PAK3: variants seen among roughly 807,000 people sequenced by gnomAD.
PAK3 encodes p21 (RAC1) activated kinase 3, also known as serine/threonine-protein kinase PAK 3.
PAK3 carries 4 observed loss-of-function variants against 41.0 expected under a neutral mutation model. The ratio of observed to expected loss-of-function variants is 0.10; its 90% confidence interval spans 0.05 to 0.22. The LOEUF (loss-of-function observed/expected upper bound fraction) is 0.22. Among genes scored for constraint, PAK3 ranks in the 10% least tolerant of loss-of-function variants. PAK3 has a pLI of 1.00. For synonymous variants in PAK3, 146 were observed against 139.6 expected, an observed-to-expected ratio of 1.05 and a Z score of -0.32; for missense variants, 205 against 409.9, an observed-to-expected ratio of 0.50 and a Z score of 4.32.
At chrX:111,156,752 C>T (rs374894676) in intron 8 of PAK3, among the ~76,000 whole-genome samples, 16 of 111,727 alleles carry the variant, frequency 1.4e-4, no homozygotes, top group African/African-American at 5.2e-4. Context: ...ATATTGAACT[C>T]AGGGATAGAT....
intron 1 of PAK3, among the ~76,000 whole-genome samples, chrX:110,989,834 A>G (rs2091611418): frequency 9.0e-6 from 1 of 111,309 alleles, no homozygotes; most frequent in Non-Finnish European, 1.9e-5. Flanking sequence ...TGCTCTGTGT[A>G]GAGGACAGCT....
At chrX:111,214,821 A>G (rs1458914136) in intron 16 of PAK3, among the ~76,000 whole-genome samples, 1 of 111,659 alleles carries the variant, frequency 9.0e-6, no homozygotes, top group Non-Finnish European at 1.9e-5. Flanking sequence ...TAATAATAGA[A>G]GCTAGAGTAG....
intron 13 of PAK3, 76 bp downstream of exon 13, chrX:111,192,694 G>A: frequency 3.6e-6 from 2 of 552,086 alleles, no homozygotes; most frequent in Non-Finnish European, 6.4e-6. Flanking sequence ...CTTTATTTGG[G>A]ATTCGTTCAT....
intron 16 of PAK3, among the ~76,000 whole-genome samples, chrX:111,208,018 C>A (rs754432510): frequency 5.0e-4 from 56 of 112,644 alleles, no homozygotes; most frequent in African/African-American, 1.7e-3. Flanking sequence ...TGGTCTCGAA[C>A]TCCTGACCTC....
chrX:111,109,183 A>G (rs908616802), intron 4 of PAK3, among the ~76,000 whole-genome samples: 1 of 112,131 alleles, frequency 8.9e-6, no homozygotes, highest in African/African-American at 3.2e-5. Context: ...CATCTACCTC[A>G]TGGAGTTGTT....
intron 4 of PAK3, among the ~76,000 whole-genome samples, chrX:111,111,431 T>G (rs755168629): frequency 6.2e-5 from 7 of 112,243 alleles, no homozygotes; most frequent in Non-Finnish European, 9.4e-5. Flanking sequence ...CTTTGCCTGT[T>G]GTAGTCTTGA....
chrX:111,071,547 T>C (rs1603103402), intron 1 of PAK3, among the ~76,000 whole-genome samples: 2 of 112,038 alleles, frequency 1.8e-5, no homozygotes, highest in African/African-American at 6.5e-5. Context: ...TCTCTCTATA[T>C]TTCAGAGTTG....
upstream of PAK3, among the ~76,000 whole-genome samples, chrX:111,093,735 C>T (rs889404640): frequency 1.8e-5 from 2 of 111,895 alleles, no homozygotes; most frequent in African/African-American, 6.5e-5. Context: ...TTTCTACAAT[C>T]ACTAGGGAGA....
chrX:110,982,851 G>A lies in PAK3; in HGVS notation c.-28+38223G>A, dbSNP rs767169557. ...ATCATCAGTGATGATTCATTCCTCC[G>A]AAGCCTTTCCTAGGCCATTCTGAGA... On this transcript the variant is annotated intron_variant, in intron 1 of 14. Transcript: ENST00000425146. Among the ~76,000 whole-genome samples the A allele has an allele frequency of 7.3e-4, 81 of 110,654 alleles. 1 individual carries two copies. Among genetic ancestry groups the A allele is most frequent in the Admixed American group, 8.7e-4 (9 of 10,361 alleles).
chrX:111,193,287 A>C (rs1348728945), intron 13 of PAK3, among the ~76,000 whole-genome samples: 1 of 109,609 alleles, frequency 9.1e-6, no homozygotes, highest in Non-Finnish European at 1.9e-5. Flanking sequence ...TGGGCCAGGT[A>C]GACCAATGTT....
intron 1 of PAK3, among the ~76,000 whole-genome samples, chrX:111,061,726 T>C (rs969044985): frequency 8.9e-6 from 1 of 112,057 alleles, no homozygotes; most frequent in Admixed American, 9.5e-5. Context: ...CTGTTATAAA[T>C]GATATTTGCT....
At chrX:111,037,592 G>A (rs1182099758) in intron 1 of PAK3, among the ~76,000 whole-genome samples, 1 of 111,591 alleles carries the variant, frequency 9.0e-6, no homozygotes, top group Non-Finnish European at 1.9e-5. Flanking sequence ...AGCCCATCAA[G>A]TAGCAGACAG....
At chrX:111,021,571 G>A (rs2092182866) in intron 1 of PAK3, among the ~76,000 whole-genome samples, 1 of 111,127 alleles carries the variant, frequency 9.0e-6, no homozygotes, top group Non-Finnish European at 1.9e-5. Flanking sequence ...CTTCTGACAT[G>A]AGAAGGAACC....
intron 1 of PAK3, among the ~76,000 whole-genome samples, chrX:110,945,012 T>G (rs184833663): frequency 3.7e-4 from 42 of 112,205 alleles, no homozygotes; most frequent in Non-Finnish European, 7.5e-4. Context: ...GGGGCTTTGT[T>G]ACATACAACA....
intron 1 of PAK3, among the ~76,000 whole-genome samples, chrX:111,076,406 G>A (rs376352750): frequency 1.1e-4 from 12 of 111,468 alleles, no homozygotes; most frequent in Non-Finnish European, 1.9e-4. Flanking sequence ...ATTCATACAC[G>A]TAAGATCTGG....
chrX:111,173,638 G>A (rs1335798292), intron 11 of PAK3, among the ~76,000 whole-genome samples: 1 of 111,356 alleles, frequency 9.0e-6, no homozygotes, highest in East Asian at 2.8e-4. Flanking sequence ...AAGATTCCCA[G>A]GCCCCACTGC....
At chrX:110,988,145 G>A (rs144258119) in intron 1 of PAK3, among the ~76,000 whole-genome samples, 54 of 112,622 alleles carry the variant, frequency 4.8e-4, no homozygotes, top group African/African-American at 1.7e-3. Flanking sequence ...ACAGATTCCT[G>A]GGCCTTGCCC....
chrX:111,220,303 T>C (rs1030003283), intron 17 of PAK3, 55 bp from the exon 18 acceptor site: 3 of 738,436 alleles, frequency 4.1e-6, no homozygotes, highest in African/African-American at 2.1e-5. Flanking sequence ...TGTAAAGTAA[T>C]ATACTTGTTG....
intron 1 of PAK3, among the ~76,000 whole-genome samples, chrX:111,081,250 T>A (rs1445536309): frequency 4.5e-5 from 5 of 111,546 alleles, no homozygotes; most frequent in African/African-American, 6.5e-5. Context: ...TCCAGCACTT[T>A]GGGAAGCCAA....
Sources: allele counts gnomAD v4.1 joint callset (sites outside exome capture counted in the v4.1 genomes callset), GRCh38; gene constraint gnomAD v4.1.1; transcripts MANE v1.5; gene names NCBI Gene and HGNC (gene_info 2026-07-23, HGNC 2026-07-21).